Variants in GRK5 observed in about 807,000 individuals in gnomAD.
GRK5 encodes G protein-coupled receptor kinase 5.
Under a neutral mutation model 78.4 loss-of-function variants are expected in GRK5, and 40 were observed. That is an observed-to-expected ratio of 0.51 (90% CI 0.40 to 0.66). GRK5 has a LOEUF of 0.66. Among genes scored for constraint, GRK5 ranks in the 30% least tolerant of loss-of-function variants. The pLI is 0.00. For missense variants in GRK5, 598 were observed against 759.9 expected (o/e 0.79, Z 2.50); for synonymous variants, 289 against 296.8 (o/e 0.97, Z 0.27).
In GRK5 at chr10:119,412,288, C is replaced by T. The variant is rs764639139; in HGVS notation, c.340-10878C>T. Among the ~76,000 whole-genome samples, 49 of 152,320 alleles carry T rather than the reference C, an allele frequency of 3.2e-4. No homozygotes were observed. The highest frequency in any genetic ancestry group is 5.2e-4 in the Admixed American group (8 of 15,306). On this transcript the variant is annotated intron_variant, in intron 4 of 15. Transcript: ENST00000392870. This position sits in a 1 kb window ranked among gnomAD's most constrained non-coding sequence, Gnocchi z 4.3. The stretch of plus-strand genomic sequence containing the variant: ...GACCTCTACCCACAGGCTGCCGGTC[C>T]GGTGTGTCTCTGCCTGGCAGGGCTG...
chr10:119,367,480 C>T (rs1851467105), intron 2 of GRK5, among the ~76,000 whole-genome samples: 1 of 152,282 alleles, frequency 6.6e-6, no homozygotes, highest in African/African-American at 2.4e-5. Flanking sequence ...TGGGTCCCAG[C>T]GAGTTAAACC....
intron 12 of GRK5, among the ~76,000 whole-genome samples, chr10:119,446,234 C>T (rs556563941): frequency 6.6e-6 from 1 of 152,360 alleles, no homozygotes; most frequent in South Asian, 2.1e-4. Context: ...GATGTGGCTG[C>T]AAACTGTTGA....
intron 3 of GRK5, among the ~76,000 whole-genome samples, chr10:119,392,460 T>A (rs1203894387): frequency 6.6e-6 from 1 of 152,190 alleles, no homozygotes; most frequent in Non-Finnish European, 1.5e-5. Context: ...TGGAGTGCAA[T>A]GGCACAATCT....
chr10:119,352,815 C>A (rs12415832), intron 2 of GRK5, among the ~76,000 whole-genome samples: 5,599 of 152,252 alleles, frequency 0.037, 199 homozygotes, highest in Admixed American at 0.093. Flanking sequence ...CCACTTTCCA[C>A]CCGAATCCTG....
intron 1 of GRK5, among the ~76,000 whole-genome samples, chr10:119,281,765 G>A (rs982869911): frequency 6.6e-6 from 1 of 152,204 alleles, no homozygotes; most frequent in African/African-American, 2.4e-5. Flanking sequence ...CAAGTCATCC[G>A]ATCCCCCGAG....
At chr10:119,417,621 C>T (rs1171731875) in intron 4 of GRK5, among the ~76,000 whole-genome samples, 1 of 149,812 alleles carries the variant, frequency 6.7e-6, no homozygotes, top group African/African-American at 2.5e-5. Context: ...GTCAGCAATA[C>T]ATCATCCACA....
At chr10:119,291,338 G>C (rs75895777) in intron 1 of GRK5, among the ~76,000 whole-genome samples, 1 of 152,166 alleles carries the variant, frequency 6.6e-6, no homozygotes, top group Non-Finnish European at 1.5e-5. Flanking sequence ...CCAGGGTTGG[G>C]CGTTCAGCCT....
Position 119,311,552 on chromosome 10 carries a change from C to T in GRK5, c.53-14964C>T, listed in dbSNP as rs561701992. On this transcript the variant is annotated intron_variant, in intron 1 of 15. Transcript: ENST00000392870. ...CTGTAATCCCAGCAATTTGGGAGGC[C>T]AAGGCAGGTGGATCACTTGAGCTCA... 3.3e-5 allele frequency among the ~76,000 whole-genome samples: 5 copies of T among 152,190 alleles called. No homozygotes were observed. The East Asian group carries it at 7.7e-4, about 23-fold the overall frequency.
At chr10:119,232,097 A>G (rs893102545) in intron 1 of GRK5, among the ~76,000 whole-genome samples, 6 of 152,260 alleles carry the variant, frequency 3.9e-5, no homozygotes, top group Admixed American at 6.5e-5. Context: ...CCAACAACAG[A>G]TGAATGGATA....
At chr10:119,292,031 T>C (rs200721965) in intron 1 of GRK5, among the ~76,000 whole-genome samples, 24,563 of 46,924 alleles carry the variant, frequency 0.52, 6,197 homozygotes, top group East Asian at 0.72. Flanking sequence ...TCCTCCTTCT[T>C]CTCCTCCTCT....
chr10:119,370,324 A>C (rs1851526476), intron 2 of GRK5, among the ~76,000 whole-genome samples: 2 of 152,206 alleles, frequency 1.3e-5, no homozygotes, highest in Admixed American at 1.3e-4. Context: ...AAGTGCCACC[A>C]AACTTTGTGA....
chr10:119,394,336 CTG>C (rs554326112), intron 3 of GRK5, among the ~76,000 whole-genome samples: 11 of 13,484 alleles, frequency 8.2e-4, no homozygotes, highest in African/African-American at 2.7e-3. Flanking sequence ...ATCTGTGTGT[CTG>C]TGTGTGGGCA....
chr10:119,453,307 A>G (rs753990678), intron 15 of GRK5, 31 bp downstream of exon 15: 2 of 1,612,812 alleles, frequency 1.2e-6, no homozygotes, highest in Non-Finnish European at 8.5e-7. Flanking sequence ...CAGTCCTGGC[A>G]TCAGCTCCGA....
intron 1 of GRK5, among the ~76,000 whole-genome samples, chr10:119,242,802 G>T (rs1055408239): frequency 1.3e-5 from 2 of 151,952 alleles, no homozygotes; most frequent in African/African-American, 4.8e-5. Context: ...TGTGAAGAAG[G>T]TGTCTTGCTT....
rs180872247 is a variant in GRK5 at position 119,343,094 on chromosome 10, C to G, written c.148+16483C>G. On this transcript the variant is annotated intron_variant, in intron 2 of 15. Transcript: ENST00000392870. ...AGCTGAGATCCTTAGGAAGCTGTCT[C>G]TAGTTGGGAAGACAGCAGAAAGCCA... Among the ~76,000 whole-genome samples the G allele has an allele frequency of 4.1e-4, 63 of 152,280 alleles. 1 individual carries two copies. Among genetic ancestry groups the G allele is most frequent in the African/African-American group, 1.5e-3 (62 of 41,554 alleles).
chr10:119,281,495 G>A (rs542918050), intron 1 of GRK5, among the ~76,000 whole-genome samples: 3 of 152,170 alleles, frequency 2.0e-5, no homozygotes, highest in Non-Finnish European at 4.4e-5. Context: ...GTCTGTGCAC[G>A]GCTCACCCCT....
rs1853400321 is a variant in GRK5, at chr10:119,456,149, CGG to C, written c.*1083_*1084del. ...GGGGAGGGAGGCTGGCCCAGGGGCC[CGG>C]CATGTTCCTGAAGCGTTCACAGGGT... On this transcript the variant is annotated 3_prime_UTR_variant, in exon 16 of 16. Coordinates refer to ENST00000392870, the MANE Select transcript of GRK5 (RefSeq NM_005308.3). This position sits in a 1 kb window ranked among gnomAD's most constrained non-coding sequence, Gnocchi z 5.5. The C allele has an allele frequency of 2.0e-5, 3 of 151,590 alleles. No homozygotes were observed. Among genetic ancestry groups the C allele is most frequent in the African/African-American group, 7.3e-5 (3 of 41,158 alleles). 9.4% of individuals were successfully genotyped at this position (151,590 alleles called of 1,614,324 possible). A position where few individuals can be genotyped will look rare whatever the true frequency, so the allele number is the denominator to read the frequency against.
chr10:119,240,437 A>G lies in GRK5; in HGVS notation c.52+32468A>G, dbSNP rs543190532. Among the ~76,000 whole-genome samples the G allele has an allele frequency of 5.9e-5, 9 of 151,698 alleles. No individual in the cohort carries two copies. In the South Asian group the frequency reaches 1.2e-3, roughly 21 times the overall value. ...AGGATGGTCTCGACCTCCTGACATC[A>G]TGATCTGCCCGCCTCAGCCTCCCAA... is the stretch of plus-strand genomic sequence containing the variant. On this transcript the variant is annotated intron_variant, in intron 1 of 15. Transcript: ENST00000392870.
intron 1 of GRK5, among the ~76,000 whole-genome samples, chr10:119,313,308 ATGGTGGTGGCAATGGCAG>A (rs1850429597): frequency 6.9e-6 from 1 of 144,978 alleles, no homozygotes; most frequent in Non-Finnish European, 1.5e-5. Flanking sequence ...GGTGGTGATG[ATGGTGGTGGCAATGGCAG>A]TGGTGGTGGT....
Sources: allele counts gnomAD v4.1 joint callset (sites outside exome capture counted in the v4.1 genomes callset), GRCh38; gene constraint gnomAD v4.1.1; non-coding constraint Gnocchi (gnomAD v3.1); transcripts MANE v1.5; gene names NCBI Gene and HGNC (gene_info 2026-07-23, HGNC 2026-07-21).